NEK1: variants seen among roughly 807,000 people sequenced by gnomAD.
The protein encoded by NEK1 is serine/threonine-protein kinase Nek1.
A neutral mutation model predicts 182.1 loss-of-function variants in NEK1; 137 were observed. That is an observed-to-expected ratio of 0.75 (90% CI 0.65 to 0.87). The LOEUF (loss-of-function observed/expected upper bound fraction) is 0.87. Among genes scored for constraint, NEK1 ranks in the 40% least tolerant of loss-of-function variants. NEK1 has a pLI of 0.00. For missense variants in NEK1, 1,391 were observed against 1,494.4 expected, an observed-to-expected ratio of 0.93 and a Z score of 1.14; for synonymous variants, 513 against 492.2, an observed-to-expected ratio of 1.04 and a Z score of -0.56.
intron 23 of NEK1, among the ~76,000 whole-genome samples, chr4:169,489,368 T>C (rs1299408054): frequency 6.6e-6 from 1 of 152,170 alleles, no homozygotes; most frequent in East Asian, 1.9e-4. Context: ...CCTAATGCTC[T>C]ACCCTCTGCC....
At chr4:169,559,827 T>C (rs1456954648) in intron 16 of NEK1, among the ~76,000 whole-genome samples, 1 of 152,080 alleles carries the variant, frequency 6.6e-6, no homozygotes, top group Non-Finnish European at 1.5e-5. Flanking sequence ...CTGACCAACA[T>C]GCAGAAACCC....
At chr4:169,457,608 G>C (rs529954629) in intron 27 of NEK1, among the ~76,000 whole-genome samples, 1 of 147,852 alleles carries the variant, frequency 6.8e-6, no homozygotes, top group East Asian at 2.0e-4. Flanking sequence ...GAAAGAAAGG[G>C]AGAAAAGGAG....
At chr4:169,474,077 G>GA (rs1193871595) in intron 26 of NEK1, among the ~76,000 whole-genome samples, 11 of 149,668 alleles carry the variant, frequency 7.3e-5, no homozygotes, top group East Asian at 3.9e-4. Context: ...AACAGGGACA[G>GA]AAAAAAAAAG....
intron 23 of NEK1, among the ~76,000 whole-genome samples, chr4:169,489,885 C>T (rs1749744861): frequency 6.6e-6 from 1 of 152,148 alleles, no homozygotes; most frequent in South Asian, 2.1e-4. Context: ...CTTTGTAGAA[C>T]AGCTTCATCT....
intron 23 of NEK1, among the ~76,000 whole-genome samples, chr4:169,500,901 C>T (rs1257472293): frequency 3.3e-5 from 5 of 152,168 alleles, no homozygotes; most frequent in African/African-American, 7.2e-5. Context: ...GAAAACCTCA[C>T]GTATCAGTAT....
At position 169,494,667 on chromosome 4, in the gene NEK1, C is replaced by T. The variant is rs953099007; in HGVS notation, c.2007+12370G>A. Reference sequence around the variant, plus strand: ...TTCTAGTTCTAGATCCCTGAGGAATCGCCACACTGACTTCCACAATGGTTG... The same window carrying T: ...TTCTAGTTCTAGATCCCTGAGGAATTGCCACACTGACTTCCACAATGGTTG... On this transcript the variant is annotated intron_variant, in intron 23 of 35. Coordinates refer to ENST00000507142, the MANE Select transcript of NEK1 (RefSeq NM_001199397.3). Among the ~76,000 whole-genome samples the T allele has an allele frequency of 7.2e-5, 11 of 152,290 alleles. No homozygotes were observed. In the East Asian group the frequency reaches 9.6e-4, roughly 13 times the overall value.
chr4:169,577,176 CATT>C (rs1203487661), intron 11 of NEK1, 97 bp from the exon 12 acceptor site: 5 of 1,142,868 alleles, frequency 4.4e-6, no homozygotes, highest in Non-Finnish European at 5.0e-6. Flanking sequence ...TTTTCATAAT[CATT>C]GATAGTATTT....
intron 19 of NEK1, among the ~76,000 whole-genome samples, chr4:169,535,131 C>T (rs1758261326): frequency 6.6e-6 from 1 of 151,908 alleles, no homozygotes; most frequent in Non-Finnish European, 1.5e-5. Context: ...ATCAGCCTGG[C>T]CAACATGGTG....
chr4:169,473,076 T>C (rs1579978703), intron 26 of NEK1, among the ~76,000 whole-genome samples: 1 of 148,374 alleles, frequency 6.7e-6, no homozygotes, highest in Non-Finnish European at 1.5e-5. Context: ...CTGGTTAACA[T>C]AGTGAGTCCA....
At chr4:169,447,851 G>A (rs1337300199) in intron 27 of NEK1, among the ~76,000 whole-genome samples, 8 of 151,724 alleles carry the variant, frequency 5.3e-5, no homozygotes, top group East Asian at 3.9e-4. Flanking sequence ...CCCGGGCAAC[G>A]GAGTGAGACT....
At chr4:169,471,601 G>T (rs1382195782) in intron 26 of NEK1, among the ~76,000 whole-genome samples, 1 of 152,146 alleles carries the variant, frequency 6.6e-6, no homozygotes, top group Non-Finnish European at 1.5e-5. Context: ...AGGCACGGGG[G>T]TCAAGAATCC....
In NEK1 at chr4:169,561,556, T is replaced by A. The variant is rs781260493; in HGVS notation, c.1192-2A>T. ...CCTGGCCCTATTTATTCTTTCCAACTTTGGGGAAAAGAAATAAACAAAACA... is the reference window on the plus strand; with the variant it reads ...CCTGGCCCTATTTATTCTTTCCAACATTGGGGAAAAGAAATAAACAAAACA... On this transcript the variant is annotated splice_acceptor_variant, in intron 15 of 35. Transcript: ENST00000507142. LOFTEE classifies it high-confidence loss of function. The A allele has an allele frequency of 1.9e-6, 3 of 1,612,868 alleles. No individual in the cohort carries two copies. The highest frequency in any genetic ancestry group is 2.5e-6 in the Non-Finnish European group (3 of 1,179,368).
At position 169,477,120 on chromosome 4, in the gene NEK1, A is replaced by T. The variant is rs1469032355; in HGVS notation, c.2434+4T>A. The stretch of plus-strand genomic sequence containing the variant: ...ATAGGATATTAATATACTACTATAC[A>T]TACTTTCAGTTGTAGAGAAGGATGT... On this transcript the variant is annotated splice_donor_region_variant and intron_variant, in intron 26 of 35. Coordinates refer to ENST00000507142, the MANE Select transcript of NEK1 (RefSeq NM_001199397.3). 6.4e-7 allele frequency: 1 copy of T among 1,572,726 alleles called. No homozygotes were observed. The highest frequency in any genetic ancestry group is 8.7e-7 in the Non-Finnish European group (1 of 1,153,742).
At chr4:169,540,742 A>G (rs1403019526) in intron 18 of NEK1, among the ~76,000 whole-genome samples, 1 of 152,112 alleles carries the variant, frequency 6.6e-6, no homozygotes, top group Non-Finnish European at 1.5e-5. Flanking sequence ...TAGGAATTGG[A>G]TAGTAAAACA....
intron 5 of NEK1, among the ~76,000 whole-genome samples, chr4:169,596,193 T>TA: frequency 6.6e-6 from 1 of 152,266 alleles, no homozygotes; most frequent in Non-Finnish European, 1.5e-5. Flanking sequence ...TAAGAGTTTT[T>TA]AAAAATCCAA....
intron 3 of NEK1, 89 bp downstream of exon 3, chr4:169,602,425 C>CT (rs74673353): frequency 0.064 from 38,316 of 599,620 alleles, 29 homozygotes; most frequent in South Asian, 0.077. Context: ...TTATCGATTA[C>CT]TTTTTTTTTT....
At chr4:169,567,011 G>T (rs1474362131) in intron 12 of NEK1, among the ~76,000 whole-genome samples, 1 of 151,936 alleles carries the variant, frequency 6.6e-6, no homozygotes, top group Non-Finnish European at 1.5e-5. Flanking sequence ...GATTGCTTGA[G>T]CCTGGGAGGT....
At chr4:169,498,471 C>T (rs977792898) in intron 23 of NEK1, among the ~76,000 whole-genome samples, 2 of 152,114 alleles carry the variant, frequency 1.3e-5, no homozygotes, top group Non-Finnish European at 2.9e-5. Context: ...TTATTTTGCT[C>T]ATTAGTTGAT....
intron 32 of NEK1, among the ~76,000 whole-genome samples, chr4:169,405,296 G>C (rs973383583): frequency 3.9e-5 from 6 of 152,062 alleles, no homozygotes; most frequent in Non-Finnish European, 8.8e-5. Context: ...ACTCAGTACT[G>C]GAAGCAACTG....
Sources: gnomAD v4.1 joint callset for allele counts (sites outside exome capture counted in the v4.1 genomes callset) on GRCh38, gnomAD v4.1.1 for gene constraint, MANE v1.5 for transcripts, NCBI Gene and HGNC (gene_info 2026-07-23, HGNC 2026-07-21) for gene names.